Variants in RHBDL3 observed in about 807,000 individuals in gnomAD.
RHBDL3 encodes rhomboid like 3.
A neutral mutation model predicts 48.2 loss-of-function variants in RHBDL3; 28 were observed. The ratio of observed to expected loss-of-function variants is 0.58; its 90% CI spans 0.43 to 0.80. RHBDL3 has a LOEUF of 0.80. Ranked by LOEUF, RHBDL3 falls within the 30% of genes least tolerant of loss-of-function variation. The pLI, the probability that RHBDL3 is intolerant of heterozygous loss-of-function variation, is 0.00. For synonymous variants in RHBDL3, 208 were observed against 232.3 expected (o/e 0.90, Z 0.95); for missense variants, 464 against 542.7 (o/e 0.85, Z 1.44).
rs2039627251 is a variant in RHBDL3 at position 32,266,309 on chromosome 17, C to T, written c.111+9C>T. 6.4e-6 allele frequency: 9 copies of T among 1,409,816 alleles called. No individual in the cohort carries two copies. Among genetic ancestry groups the T allele is most frequent in the Non-Finnish European group, 7.5e-6 (8 of 1,069,656 alleles). 87.3% of individuals were successfully genotyped at this position (1,409,816 alleles called of 1,614,324 possible). ...CCGCGGCGCCGGAGGACGTGAGTGC[C>T]CCCTCCCCGCCCGGCAAACTTTCTA... On this transcript the variant is annotated intron_variant, in intron 1 of 8. Coordinates refer to ENST00000269051, the MANE Select transcript of RHBDL3 (RefSeq NM_138328.3).
At chr17:32,310,239 C>T (rs2040811605) in intron 7 of RHBDL3, among the ~76,000 whole-genome samples, 1 of 152,132 alleles carries the variant, frequency 6.6e-6, no homozygotes, top group African/African-American at 2.4e-5. Flanking sequence ...ATTGTCAAAG[C>T]ACAAGGGAAG....
In RHBDL3 at chr17:32,303,955, G is replaced by A. The variant is rs9915868; in HGVS notation, c.782-1386G>A. Among the ~76,000 whole-genome samples the A allele has an allele frequency of 8.1e-3, 1,232 of 152,230 alleles. 17 individuals carry two copies. Among genetic ancestry groups the A allele is most frequent in the African/African-American group, 0.028 (1,151 of 41,530 alleles). On this transcript the variant is annotated intron_variant, in intron 6 of 8. Coordinates refer to ENST00000269051, the MANE Select transcript of RHBDL3 (RefSeq NM_138328.3). The stretch of plus-strand genomic sequence containing the variant: ...CTTGAGCCCCTGGGCATTTTCCAGT[G>A]GTAATTTCTGCACACTCACCCAGGC...
chr17:32,289,292 C>G (rs557208289), intron 4 of RHBDL3, among the ~76,000 whole-genome samples: 2 of 152,306 alleles, frequency 1.3e-5, no homozygotes, highest in Admixed American at 6.5e-5. Flanking sequence ...CACTACCCCC[C>G]ACCCACCCCA....
intron 2 of RHBDL3, among the ~76,000 whole-genome samples, chr17:32,275,708 C>G (rs370790658): frequency 1.3e-5 from 2 of 152,148 alleles, no homozygotes; most frequent in East Asian, 3.8e-4. Flanking sequence ...TTCGGCTGTT[C>G]GACTTTGGGC....
At chr17:32,284,622 GCCCTGCTGA>G (rs1567769382) in intron 2 of RHBDL3, 28 bp from the exon 3 acceptor site, 1 of 1,606,412 alleles carries the variant, frequency 6.2e-7, no homozygotes, top group Admixed American at 1.7e-5. Flanking sequence ...AGGAGGTGGT[GCCCTGCTGA>G]CCCTGCTGCT....
rs149578903 is a variant in RHBDL3, at chr17:32,278,522, C to T, written c.136-6137C>T. Among the ~76,000 whole-genome samples the T allele has an allele frequency of 5.7e-3, 875 of 152,268 alleles. 8 individuals carry two copies. The highest frequency in any genetic ancestry group is 6.4e-3 in the Non-Finnish European group (434 of 68,026). On this transcript the variant is annotated intron_variant, in intron 2 of 8. Transcript: ENST00000269051. ...TGGGATGCCTGGGCCACAGTTGATC[C>T]TTAGTGAATATGTGTTAGGTGGACA...
chr17:32,313,401 A>T (rs1361541370), intron 7 of RHBDL3, among the ~76,000 whole-genome samples: 1 of 152,216 alleles, frequency 6.6e-6, no homozygotes, highest in African/African-American at 2.4e-5. Context: ...ATAAATGTAC[A>T]TACCATAAAA....
At chr17:32,301,958 T>C (rs1327612110) in intron 6 of RHBDL3, among the ~76,000 whole-genome samples, 1 of 152,248 alleles carries the variant, frequency 6.6e-6, no homozygotes, top group Non-Finnish European at 1.5e-5. Context: ...GGGCTAAAAT[T>C]ATCACAGCTG....
chr17:32,316,572 T>C lies in RHBDL3; in HGVS notation c.943+280T>C, dbSNP rs143629982. The stretch of plus-strand genomic sequence containing the variant: ...CTGTGTCATCCAGGCTGCAGTGCAG[T>C]GGCACAATCATAGCTCACTGCAGCA... On this transcript the variant is annotated intron_variant, in intron 8 of 8. Coordinates refer to ENST00000269051, the MANE Select transcript of RHBDL3 (RefSeq NM_138328.3). 7.3e-3 allele frequency among the ~76,000 whole-genome samples: 1,105 copies of C among 152,264 alleles called. 9 individuals are homozygous for C. Among genetic ancestry groups the C allele is most frequent in the African/African-American group, 0.025 (1,035 of 41,572 alleles).
At chr17:32,303,171 G>T (rs964460665) in intron 6 of RHBDL3, among the ~76,000 whole-genome samples, 1 of 152,182 alleles carries the variant, frequency 6.6e-6, no homozygotes, top group Non-Finnish European at 1.5e-5. Flanking sequence ...ACCCTCGCAG[G>T]GGCCCATCCC....
At chr17:32,318,723 G>A (rs1417118334) in intron 8 of RHBDL3, among the ~76,000 whole-genome samples, 17 of 152,068 alleles carry the variant, frequency 1.1e-4, no homozygotes, top group Admixed American at 1.1e-3. Flanking sequence ...GCTTTCTCTG[G>A]GTCAGCTACC....
At chr17:32,269,653 G>A (rs765955153) in intron 2 of RHBDL3, among the ~76,000 whole-genome samples, 1 of 152,208 alleles carries the variant, frequency 6.6e-6, no homozygotes, top group Non-Finnish European at 1.5e-5. Context: ...AAGGCAGGAG[G>A]GAGCCCGCTG....
At chr17:32,318,003 G>A (rs531938098) in intron 8 of RHBDL3, among the ~76,000 whole-genome samples, 276 of 149,392 alleles carry the variant, frequency 1.8e-3, no homozygotes, top group African/African-American at 6.2e-3. Flanking sequence ...GAGCCCAGGA[G>A]TTTAAGACCA....
chr17:32,290,238 C>CT (rs2040295659), intron 4 of RHBDL3, among the ~76,000 whole-genome samples: 1 of 152,194 alleles, frequency 6.6e-6, no homozygotes, highest in Non-Finnish European at 1.5e-5. Flanking sequence ...GCTTCCTTCT[C>CT]TAAGTGTGTG....
At position 32,319,421 on chromosome 17, in the gene RHBDL3, C is replaced by CAAA. The variant is rs541383037; in HGVS notation, c.944-1516_944-1514dup. Among the ~76,000 whole-genome samples, 761 of 79,288 alleles carry CAAA rather than the reference C, an allele frequency of 9.6e-3. 21 individuals are homozygous for CAAA. The highest frequency in any genetic ancestry group is 0.028 in the East Asian group (61 of 2,178). The allele number at this position is 79,288 out of a possible 152,430, so 52.0% of individuals were successfully genotyped here. ...TGGGCAATAGAGCGAGATTCCGTCT[C>CAAA]AAAAAAAAAAAAAAAAAAAAAAATC... On this transcript the variant is annotated intron_variant, in intron 8 of 8. Coordinates refer to ENST00000269051, the MANE Select transcript of RHBDL3 (RefSeq NM_138328.3).
intron 4 of RHBDL3, among the ~76,000 whole-genome samples, chr17:32,289,718 T>G (rs2150716761): frequency 6.6e-6 from 1 of 152,358 alleles, no homozygotes; most frequent in African/African-American, 2.4e-5. Context: ...TCAATTCTTT[T>G]GGGTCCTCCA....
In RHBDL3 at chr17:32,321,038, G is replaced by T; in HGVS notation, c.1024G>T (p.Ala342Ser). The T allele has an allele frequency of 6.2e-7, 1 of 1,614,216 alleles. No homozygotes were observed. Reference protein sequence around the residue: ...YPPCPHPSFVAHLGGVAVGIT... With the variant: ...YPPCPHPSFVSHLGGVAVGIT... ...CCCGTGCCCTCACCCAAGCTTTGTG[G>T]CGCACTTGGGTGGCGTGGCCGTGGG... The change falls in exon 9 of 9, where the codon GCG becomes TCG. Residue 342 changes from alanine (A) to serine (S), a missense_variant. Ala to Ser is a moderately conservative substitution (Grantham distance 99, BLOSUM62 1). Coordinates refer to ENST00000269051, the MANE Select transcript of RHBDL3 (RefSeq NM_138328.3).
chr17:32,294,532 T>C, intron 5 of RHBDL3, 90 bp downstream of exon 5: 1 of 1,233,518 alleles, frequency 8.1e-7, no homozygotes, highest in Non-Finnish European at 1.1e-6. Flanking sequence ...GTTTTTAGTT[T>C]ATTTTTATCT....
At chr17:32,302,712 G>A (rs2040615178) in intron 6 of RHBDL3, among the ~76,000 whole-genome samples, 1 of 152,082 alleles carries the variant, frequency 6.6e-6, no homozygotes. Flanking sequence ...CAATGTGGGG[G>A]CAGGTGGATT....
Sources: gnomAD v4.1 joint callset for allele counts (sites outside exome capture counted in the v4.1 genomes callset) on GRCh38, gnomAD v4.1.1 for gene constraint, MANE v1.5 for transcripts, NCBI Gene and HGNC (gene_info 2026-07-23, HGNC 2026-07-21) for gene names.